Variants in CHL1 observed in about 807,000 individuals in gnomAD.
CHL1 encodes neural cell adhesion molecule L1-like protein.
A neutral mutation model predicts 141.9 loss-of-function variants in CHL1; 96 were observed. The observed-to-expected ratio is 0.68, with a 90% CI of 0.57 to 0.80. The LOEUF is 0.80. Ranked by LOEUF, CHL1 falls within the 30% of genes least tolerant of loss-of-function variation. The pLI, the probability that CHL1 is intolerant of heterozygous loss-of-function variation, is 0.00. For synonymous variants in CHL1, 613 were observed against 502.2 expected, an observed-to-expected ratio of 1.22 and a Z score of -2.95; for missense variants, 1,820 against 1,457.2, an observed-to-expected ratio of 1.25 and a Z score of -4.05.
At chr3:317,360 G>T (rs1700222881) in intron 2 of CHL1, among the ~76,000 whole-genome samples, 1 of 151,832 alleles carries the variant, frequency 6.6e-6, no homozygotes, top group Middle Eastern at 3.2e-3. Context: ...AGAGATTAAT[G>T]GAAATTGAGA....
At chr3:267,050 A>G (rs1358716621) in intron 2 of CHL1, among the ~76,000 whole-genome samples, 1 of 152,178 alleles carries the variant, frequency 6.6e-6, no homozygotes, top group Non-Finnish European at 1.5e-5. Flanking sequence ...ATGAATCTAT[A>G]TTGATAAATC....
chr3:392,230 A>C (rs1406016910), intron 23 of CHL1, among the ~76,000 whole-genome samples: 1 of 152,246 alleles, frequency 6.6e-6, no homozygotes, highest in Non-Finnish European at 1.5e-5. Context: ...AGTAGGAAAC[A>C]TGTGAAAGAG....
intron 2 of CHL1, among the ~76,000 whole-genome samples, chr3:259,940 A>G (rs1329703256): frequency 1.3e-5 from 2 of 152,156 alleles, no homozygotes; most frequent in African/African-American, 2.4e-5. Context: ...TCAGTGCACT[A>G]AACACTGAAA....
intron 1 of CHL1, among the ~76,000 whole-genome samples, chr3:233,253 T>C (rs964816275): frequency 3.9e-5 from 6 of 152,178 alleles, no homozygotes; most frequent in African/African-American, 1.4e-4. Context: ...TTTTATTATC[T>C]ATTGCTTGCC....
intron 2 of CHL1, chr3:248,203 A>G (rs1049723656): frequency 6.6e-6 from 1 of 152,052 alleles, no homozygotes; most frequent in Non-Finnish European, 1.5e-5. Flanking sequence ...CTGGAGTTTT[A>G]TTGAAGTTGC....
At chr3:291,621 C>G (rs17020608) in intron 2 of CHL1, among the ~76,000 whole-genome samples, 18,632 of 151,976 alleles carry the variant, frequency 0.12, 1,498 homozygotes, top group East Asian at 0.41. Flanking sequence ...ATAAATTTTC[C>G]TATACATTGT....
intron 5 of CHL1, among the ~76,000 whole-genome samples, chr3:333,643 T>C (rs1575092866): frequency 1.3e-5 from 2 of 152,084 alleles, no homozygotes; most frequent in Non-Finnish European, 2.9e-5. Flanking sequence ...TTCCTGAAAC[T>C]CCCATAATAC....
In CHL1 at chr3:202,005, G is replaced by A. The variant is rs111961065; in HGVS notation, c.-175+4942G>A. On this transcript the variant is annotated intron_variant, in intron 1 of 27. Transcript: ENST00000256509. ...ATAAACTCTTAAAGTGTCTGGCACA[G>A]CAGGAAGCGAACTGTTGTGGTGGTT... Among the ~76,000 whole-genome samples the A allele has an allele frequency of 6.3e-3, 952 of 152,316 alleles. 7 individuals carry two copies. Among genetic ancestry groups the A allele is most frequent in the African/African-American group, 0.021 (881 of 41,548 alleles).
At chr3:335,777 T>C (rs1701817488) in intron 5 of CHL1, among the ~76,000 whole-genome samples, 2 of 152,308 alleles carry the variant, frequency 1.3e-5, no homozygotes, top group Admixed American at 6.5e-5. Context: ...AAAATGTTAA[T>C]TCAAATAATT....
chr3:341,041 G>A, intron 6 of CHL1, 125 bp downstream of exon 6: 1 of 977,686 alleles, frequency 1.0e-6, no homozygotes, highest in Non-Finnish European at 1.5e-6. Flanking sequence ...TATTTGAAGA[G>A]GAGATGCTAC....
intron 2 of CHL1, among the ~76,000 whole-genome samples, chr3:285,755 G>A (rs1697070373): frequency 6.6e-6 from 1 of 152,060 alleles, no homozygotes; most frequent in African/African-American, 2.4e-5. Flanking sequence ...TTTATGATTA[G>A]CAATGTTTGT....
At chr3:255,163 T>G (rs1277266734) in intron 2 of CHL1, among the ~76,000 whole-genome samples, 1 of 152,204 alleles carries the variant, frequency 6.6e-6, no homozygotes, top group East Asian at 1.9e-4. Flanking sequence ...ACTGGTTTCC[T>G]ACCATAATTA....
At chr3:375,325 T>C (rs547114741) in intron 15 of CHL1, among the ~76,000 whole-genome samples, 1 of 152,054 alleles carries the variant, frequency 6.6e-6, no homozygotes, top group Non-Finnish European at 1.5e-5. Context: ...GAGACCACTG[T>C]AGCATGAAAA....
rs1242459108 is a variant in CHL1 at position 349,362 on chromosome 3, A to C, written c.852A>C (p.Pro284=). 7 of 1,610,662 alleles carry C rather than the reference A, an allele frequency of 4.3e-6. No individual in the cohort carries two copies. The highest frequency in any genetic ancestry group is 2.5e-6 in the Non-Finnish European group (3 of 1,178,946). Residue 284 remains proline, a synonymous_variant, in exon 10 of 28, where the codon CCA becomes CCC. Coordinates refer to ENST00000256509, the MANE Select transcript of CHL1 (RefSeq NM_006614.4). ...LLLECFAEGL[P]TPQVDWNKIG... Reference sequence around the variant, plus strand: ...TTTATTTAACTATTTTTTGCAGGCCAACTCCACAGGTTGATTGGAACAAAA... The same window carrying C: ...TTTATTTAACTATTTTTTGCAGGCCCACTCCACAGGTTGATTGGAACAAAA...
intron 1 of CHL1, among the ~76,000 whole-genome samples, chr3:242,467 G>A (rs534434314): frequency 2.0e-5 from 3 of 149,050 alleles, no homozygotes; most frequent in East Asian, 2.0e-4. Context: ...GTGGTGGTGG[G>A]CGCCTGTAGT....
At chr3:298,598 G>C (rs952022011) in intron 2 of CHL1, among the ~76,000 whole-genome samples, 1 of 152,186 alleles carries the variant, frequency 6.6e-6, no homozygotes, top group Non-Finnish European at 1.5e-5. Context: ...GCATTTGATA[G>C]ATAGGGACTG....
At chr3:349,662 G>T (rs73011378) in intron 10 of CHL1, 119 bp downstream of exon 10, 5 of 820,312 alleles carry the variant, frequency 6.1e-6, no homozygotes, top group Middle Eastern at 2.4e-4. Context: ...ACTTTTAATT[G>T]TAGTGCGGGC....
At chr3:292,428 G>T (rs147956139) in intron 2 of CHL1, among the ~76,000 whole-genome samples, 52 of 152,254 alleles carry the variant, frequency 3.4e-4, no homozygotes, top group African/African-American at 1.1e-3. Context: ...CATTCAGTAA[G>T]TCCTCTTTTT....
chr3:388,681 A>G (rs1707971943), intron 19 of CHL1, among the ~76,000 whole-genome samples: 1 of 145,962 alleles, frequency 6.9e-6, no homozygotes, highest in East Asian at 2.0e-4. Context: ...CTGGGAAATT[A>G]TAAGAAAGAG....
Sources: allele counts gnomAD v4.1 joint callset (sites outside exome capture counted in the v4.1 genomes callset), GRCh38; gene constraint gnomAD v4.1.1; transcripts MANE v1.5; gene names NCBI Gene and HGNC (gene_info 2026-07-23, HGNC 2026-07-21).